Variants in PIP5K1B observed in about 807,000 individuals in gnomAD.
The protein encoded by PIP5K1B is phosphatidylinositol-4-phosphate 5-kinase type 1 beta.
Under a neutral mutation model 67.0 loss-of-function variants are expected in PIP5K1B, and 42 were observed. The ratio of observed to expected loss-of-function variants is 0.63; its 90% confidence interval spans 0.49 to 0.81. The LOEUF (loss-of-function observed/expected upper bound fraction) is 0.81, where lower values mean the gene tolerates loss of function less well. Among genes scored for constraint, PIP5K1B ranks in the 30% least tolerant of loss-of-function variants. The pLI is 0.00. For synonymous variants in PIP5K1B, 214 were observed against 231.4 expected (o/e 0.92, Z 0.68); for missense variants, 459 against 646.3 (o/e 0.71, Z 3.14).
At chr9:68,930,405 C>A (rs1826935448) in intron 12 of PIP5K1B, among the ~76,000 whole-genome samples, 1 of 152,064 alleles carries the variant, frequency 6.6e-6, no homozygotes, top group Non-Finnish European at 1.5e-5. Context: ...TGGAAGACCA[C>A]CACAATCCAC....
intron 15 of PIP5K1B, among the ~76,000 whole-genome samples, chr9:68,993,149 C>T (rs1451206714): frequency 1.4e-5 from 2 of 145,692 alleles, no homozygotes; most frequent in African/African-American, 5.3e-5. Context: ...GCGACAGAGC[C>T]AGACTCCGTC....
At chr9:68,921,609 G>A (rs1826407992) in intron 11 of PIP5K1B, among the ~76,000 whole-genome samples, 1 of 152,140 alleles carries the variant, frequency 6.6e-6, no homozygotes, top group Admixed American at 6.5e-5. Flanking sequence ...ACACTTTGGG[G>A]GGAGACCAAA....
At chr9:68,747,330 T>C (rs1829366860) in intron 2 of PIP5K1B, among the ~76,000 whole-genome samples, 1 of 151,108 alleles carries the variant, frequency 6.6e-6, no homozygotes, top group Non-Finnish European at 1.5e-5. Context: ...TTAATTACTG[T>C]CTGTTGATTG....
chr9:68,823,833 T>C (rs1286587074), intron 4 of PIP5K1B, among the ~76,000 whole-genome samples: 2 of 152,234 alleles, frequency 1.3e-5, no homozygotes, highest in Admixed American at 1.3e-4. Flanking sequence ...TCTGACCACA[T>C]ATTCAGGTCA....
intron 4 of PIP5K1B, among the ~76,000 whole-genome samples, chr9:68,850,399 G>T (rs543574911): frequency 3.4e-4 from 51 of 152,210 alleles, no homozygotes; most frequent in Non-Finnish European, 5.4e-4. Flanking sequence ...GTTTGTTGAG[G>T]GGGGCTGTTC....
chr9:68,863,298 A>T (rs948757981), intron 4 of PIP5K1B, among the ~76,000 whole-genome samples: 3 of 152,220 alleles, frequency 2.0e-5, no homozygotes, highest in African/African-American at 4.8e-5. Flanking sequence ...AGGCATAAAA[A>T]GTATGACACA....
At chr9:68,730,749 G>T (rs1400100077) in intron 1 of PIP5K1B, among the ~76,000 whole-genome samples, 1 of 152,190 alleles carries the variant, frequency 6.6e-6, no homozygotes, top group African/African-American at 2.4e-5. Context: ...ATTGGAATGG[G>T]ACAATAAATT....
At chr9:68,877,193 A>G (rs4626674) in intron 6 of PIP5K1B, among the ~76,000 whole-genome samples, 40,042 of 152,124 alleles carry the variant, frequency 0.26, 5,749 homozygotes, top group Middle Eastern at 0.33. Context: ...TTTCACCTTG[A>G]CCTACAAATT....
chr9:68,811,259 A>T (rs764407548), intron 2 of PIP5K1B, among the ~76,000 whole-genome samples: 1 of 152,082 alleles, frequency 6.6e-6, no homozygotes, highest in Non-Finnish European at 1.5e-5. Flanking sequence ...CACTTTCATT[A>T]TACTTTCTGT....
chr9:68,793,873 T>C (rs1832138989), intron 2 of PIP5K1B, among the ~76,000 whole-genome samples: 1 of 152,104 alleles, frequency 6.6e-6, no homozygotes, highest in South Asian at 2.1e-4. Context: ...GGGGAAAGTG[T>C]CATTAAAGAA....
chr9:68,858,368 T>C (rs1490197265), intron 4 of PIP5K1B, among the ~76,000 whole-genome samples: 1 of 152,184 alleles, frequency 6.6e-6, no homozygotes, highest in Non-Finnish European at 1.5e-5. Context: ...AATTAGACTC[T>C]CAAAATCTAT....
chr9:68,893,669 A>G (rs1824930591), intron 7 of PIP5K1B, among the ~76,000 whole-genome samples: 1 of 152,182 alleles, frequency 6.6e-6, no homozygotes, highest in Admixed American at 6.5e-5. Context: ...ACAACAGACT[A>G]GAAGAAACTA....
chr9:68,872,644 C>T (rs940137028), intron 5 of PIP5K1B, among the ~76,000 whole-genome samples: 50 of 152,272 alleles, frequency 3.3e-4, no homozygotes, highest in African/African-American at 1.2e-3. Flanking sequence ...CTCCAGTTAT[C>T]ACTGTTACTT....
intron 2 of PIP5K1B, among the ~76,000 whole-genome samples, chr9:68,797,812 CGTTTT>C (rs61645708): frequency 0.033 from 5,053 of 151,280 alleles, 136 homozygotes; most frequent in East Asian, 0.14. Context: ...TCACTGTGCC[CGTTTT>C]GTTTTGTTTT....
At chr9:68,992,031 T>G (rs1830398330) in intron 15 of PIP5K1B, among the ~76,000 whole-genome samples, 1 of 152,140 alleles carries the variant, frequency 6.6e-6, no homozygotes, top group South Asian at 2.1e-4. Flanking sequence ...AATGGTGCGA[T>G]CTCGGCTCAC....
At chr9:68,957,522 G>A (rs1035503296) in intron 14 of PIP5K1B, among the ~76,000 whole-genome samples, 2 of 152,166 alleles carry the variant, frequency 1.3e-5, no homozygotes, top group Non-Finnish European at 2.9e-5. Flanking sequence ...TGTTTTATAC[G>A]ACAGAGGAGC....
At chr9:68,921,336 A>G (rs1235423971) in intron 11 of PIP5K1B, among the ~76,000 whole-genome samples, 1 of 152,086 alleles carries the variant, frequency 6.6e-6, no homozygotes, top group South Asian at 2.1e-4. Context: ...ATTAACCTCA[A>G]TCTTACTGAG....
intron 12 of PIP5K1B, among the ~76,000 whole-genome samples, chr9:68,932,311 C>G (rs1827044804): frequency 6.6e-6 from 1 of 152,156 alleles, no homozygotes; most frequent in African/African-American, 2.4e-5. Flanking sequence ...CTCAGGGCCA[C>G]ATTACACCCT....
intron 6 of PIP5K1B, among the ~76,000 whole-genome samples, chr9:68,884,692 G>C (rs886516276): frequency 2.1e-5 from 3 of 145,168 alleles, no homozygotes; most frequent in Non-Finnish European, 4.5e-5. Flanking sequence ...AAGACATACA[G>C]ATGGCCAGTA....
Sources: gnomAD v4.1 joint callset for allele counts (sites outside exome capture counted in the v4.1 genomes callset) on GRCh38, gnomAD v4.1.1 for gene constraint, MANE v1.5 for transcripts, NCBI Gene and HGNC (gene_info 2026-07-23, HGNC 2026-07-21) for gene names.